The following LINGO2 variants were observed in gnomAD, a reference collection of about 807,000 sequenced individuals.
The protein encoded by LINGO2 is leucine rich repeat and Ig domain containing 2.
In LINGO2, 14 loss-of-function variants were observed where a neutral mutation model predicts 30.6. The ratio of observed to expected loss-of-function variants is 0.46; its 90% CI spans 0.30 to 0.72. LINGO2 has a LOEUF of 0.72. Ranked by LOEUF, LINGO2 falls within the 30% of genes least tolerant of loss-of-function variation. LINGO2 has a pLI of 0.07. For synonymous variants in LINGO2, 317 were observed against 288.5 expected (o/e 1.10, Z -1.00); for missense variants, 729 against 751.7 (o/e 0.97, Z 0.35).
intron 4 of LINGO2, among the ~76,000 whole-genome samples, chr9:28,040,485 T>C (rs1824150910): frequency 1.4e-5 from 2 of 144,300 alleles, no homozygotes. Context: ...TGGCTCTTCA[T>C]TATTAAAATC....
the LINGO2 span, among the ~76,000 whole-genome samples, chr9:28,691,183 T>C: frequency 6.6e-6 from 1 of 152,202 alleles, no homozygotes; most frequent in Non-Finnish European, 1.5e-5. Flanking sequence ...ATCTCAATAG[T>C]TCTCAAAAGA....
intron 5 of LINGO2, among the ~76,000 whole-genome samples, chr9:28,008,407 T>C (rs564265083): frequency 2.0e-5 from 3 of 152,126 alleles, no homozygotes; most frequent in Non-Finnish European, 4.4e-5. Context: ...TCAGTGAACA[T>C]ATCCATTTAA....
chr9:28,822,808 A>G, the LINGO2 span, among the ~76,000 whole-genome samples: 1 of 152,100 alleles, frequency 6.6e-6, no homozygotes, highest in Admixed American at 6.6e-5. Flanking sequence ...ATATTTATCT[A>G]TCCTATTAGT....
the LINGO2 span, among the ~76,000 whole-genome samples, chr9:28,987,079 T>G: frequency 2.0e-5 from 3 of 150,438 alleles, no homozygotes; most frequent in Non-Finnish European, 3.0e-5. Context: ...CAGGTTTTTT[T>G]TTTTTTTTTT....
At chr9:28,932,505 G>A in the LINGO2 span, among the ~76,000 whole-genome samples, 5 of 152,130 alleles carry the variant, frequency 3.3e-5, no homozygotes, top group African/African-American at 7.2e-5. Context: ...TATGCTAAGC[G>A]TGTTTAAGAC....
At chr9:28,661,496 A>C (rs573080057) in intron 1 of LINGO2, among the ~76,000 whole-genome samples, 2 of 152,272 alleles carry the variant, frequency 1.3e-5, no homozygotes, top group East Asian at 3.9e-4. Context: ...TTGGGGGTTA[A>C]TCAAAGCAGA....
At chr9:28,349,954 G>A (rs1201133152) in intron 3 of LINGO2, among the ~76,000 whole-genome samples, 1 of 152,120 alleles carries the variant, frequency 6.6e-6, no homozygotes, top group African/African-American at 2.4e-5. Context: ...AATGCTGAGA[G>A]ATTTTGTCAC....
chr9:28,060,442 C>T (rs1283723907), intron 4 of LINGO2, among the ~76,000 whole-genome samples: 1 of 152,150 alleles, frequency 6.6e-6, no homozygotes, highest in African/African-American at 2.4e-5. Context: ...ATTATTTATA[C>T]ATTTAATCTT....
the LINGO2 span, among the ~76,000 whole-genome samples, chr9:28,720,368 T>C: frequency 6.6e-6 from 1 of 152,118 alleles, no homozygotes; most frequent in African/African-American, 2.4e-5. Flanking sequence ...TCAAGGTTCA[T>C]GCCAAAGGCC....
At chr9:28,679,295 T>C in the LINGO2 span, among the ~76,000 whole-genome samples, 1 of 152,114 alleles carries the variant, frequency 6.6e-6, no homozygotes, top group African/African-American at 2.4e-5. Context: ...GGGGCCAGAC[T>C]TTAATCCAAG....
At chr9:28,372,941 A>C (rs1820961334) in intron 2 of LINGO2, 73 bp from the exon 5 acceptor site, 1 of 152,536 alleles carries the variant, frequency 6.6e-6, no homozygotes, top group Non-Finnish European at 1.5e-5. Context: ...GAAGTCAAAA[A>C]GACATTTTCT....
chr9:28,433,222 A>G (rs1392957262), intron 2 of LINGO2, among the ~76,000 whole-genome samples: 2 of 152,142 alleles, frequency 1.3e-5, no homozygotes, highest in Non-Finnish European at 2.9e-5. Context: ...TGATCTTGCA[A>G]ATAGGCTTCC....
chr9:28,965,501 G>A, the LINGO2 span, among the ~76,000 whole-genome samples: 8 of 151,950 alleles, frequency 5.3e-5, no homozygotes, highest in South Asian at 2.1e-4. Context: ...TGTTTCCTTC[G>A]CATTGTAAGT....
chr9:28,261,417 T>A (rs974985714), intron 4 of LINGO2, among the ~76,000 whole-genome samples: 4 of 151,988 alleles, frequency 2.6e-5, no homozygotes, highest in African/African-American at 9.7e-5. Flanking sequence ...ATATTTGAAC[T>A]GTTACCATCT....
chr9:27,997,016 CTTA>C (rs1821698682), intron 5 of LINGO2, among the ~76,000 whole-genome samples: 1 of 152,172 alleles, frequency 6.6e-6, no homozygotes, highest in South Asian at 2.1e-4. Flanking sequence ...CAAAAATTCT[CTTA>C]TGTCAAATTG....
the LINGO2 span, among the ~76,000 whole-genome samples, chr9:29,175,025 C>T: frequency 6.6e-6 from 1 of 152,020 alleles, no homozygotes; most frequent in African/African-American, 2.4e-5. Flanking sequence ...TTTTGGGAGG[C>T]CGATGTGAGG....
chr9:28,891,353 C>T, the LINGO2 span, among the ~76,000 whole-genome samples: 32 of 151,776 alleles, frequency 2.1e-4, no homozygotes, highest in Admixed American at 2.1e-3. Flanking sequence ...TTTTATCATT[C>T]TTATCAGCAT....
intron 3 of LINGO2, among the ~76,000 whole-genome samples, chr9:28,326,937 A>G (rs567316135): frequency 6.6e-6 from 1 of 152,260 alleles, no homozygotes; most frequent in East Asian, 1.9e-4. Flanking sequence ...CTTCACATCC[A>G]ACAGGCTTGC....
At chr9:28,726,703 C>A in the LINGO2 span, among the ~76,000 whole-genome samples, 1 of 152,046 alleles carries the variant, frequency 6.6e-6, no homozygotes. Flanking sequence ...GGTATTCTAG[C>A]CTTTCTTGAA....
Sources: allele counts gnomAD v4.1 joint callset (sites outside exome capture counted in the v4.1 genomes callset), GRCh38; gene constraint gnomAD v4.1.1; transcripts MANE v1.5; gene names NCBI Gene and HGNC (gene_info 2026-07-23, HGNC 2026-07-21).